The following ISM1 variants were observed in gnomAD, a reference collection of about 807,000 sequenced individuals.
ISM1 encodes the protein isthmin 1.
A neutral mutation model predicts 46.3 loss-of-function variants in ISM1; 25 were observed. That is an observed-to-expected ratio of 0.54 (90% CI 0.39 to 0.75). The LOEUF is 0.75. Ranked by LOEUF, ISM1 falls within the 30% of genes least tolerant of loss-of-function variation. ISM1 has a pLI of 0.00. For missense variants in ISM1, 536 were observed against 625.4 expected, an observed-to-expected ratio of 0.86 and a Z score of 1.52; for synonymous variants, 255 against 256.7, an observed-to-expected ratio of 0.99 and a Z score of 0.06.
intron 3 of ISM1, among the ~76,000 whole-genome samples, chr20:13,286,850 G>C (rs116910680): frequency 6.6e-6 from 1 of 152,212 alleles, no homozygotes; most frequent in South Asian, 2.1e-4. Context: ...GCCACGACCT[G>C]TTATGAACAG....
the ISM1 span, among the ~76,000 whole-genome samples, chr20:13,322,417 C>A: frequency 6.6e-6 from 1 of 152,228 alleles, no homozygotes; most frequent in African/African-American, 2.4e-5. Flanking sequence ...AACTCTTCCA[C>A]CTGCCAACTC....
chr20:13,291,281 G>T (rs937504148), intron 4 of ISM1, among the ~76,000 whole-genome samples: 9 of 152,032 alleles, frequency 5.9e-5, no homozygotes, highest in African/African-American at 2.2e-4. Context: ...GCTTTTCTGG[G>T]CTCCCTTGTA....
At chr20:13,235,538 G>A (rs55637499) in intron 1 of ISM1, among the ~76,000 whole-genome samples, 2 of 152,214 alleles carry the variant, frequency 1.3e-5, no homozygotes, top group African/African-American at 2.4e-5. Context: ...GTCAGGCCAA[G>A]AGAAAGGGTG....
Position 13,270,556 on chromosome 20 carries a change from C to T in ISM1, c.191C>T (p.Ser64Phe), listed in dbSNP as rs571196160. Residue 64 changes from serine (S) to phenylalanine (F), a missense_variant, in exon 2 of 6, where the codon TCC becomes TTC. Ser to Phe is a radical substitution (Grantham distance 155, BLOSUM62 -2). Coordinates refer to ENST00000262487, the MANE Select transcript of ISM1 (RefSeq NM_080826.2). ...ACATCAGAAACCAGCTTTTCTCTCT[C>T]CAAAGAAGCACCAAGGGAGCATCTG... ...DTTSETSFSL[S>F]KEAPREHLDH... 6.2e-7 allele frequency: 1 copy of T among 1,613,908 alleles called. No individual in the cohort carries two copies. The highest frequency in any genetic ancestry group is 1.3e-5 in the African/African-American group (1 of 75,046).
In ISM1 at chr20:13,289,592, C is replaced by T. The variant is rs2123311357; in HGVS notation, c.787+909C>T. Among the ~76,000 whole-genome samples the T allele has an allele frequency of 2.0e-5, 3 of 151,436 alleles. No individual in the cohort carries two copies. In the East Asian group the frequency reaches 5.8e-4, roughly 29 times the overall value. On this transcript the variant is annotated intron_variant, in intron 4 of 5. Transcript: ENST00000262487. ...TTTGTGTGTCCCATACATTTTTAAACTGTTGTGAAGAGAAGAAGAAAGAGA... is the reference window on the plus strand; with the variant it reads ...TTTGTGTGTCCCATACATTTTTAAATTGTTGTGAAGAGAAGAAGAAAGAGA...
chr20:13,318,687 G>A, the ISM1 span, among the ~76,000 whole-genome samples: 2 of 152,162 alleles, frequency 1.3e-5, no homozygotes, highest in African/African-American at 4.8e-5. Context: ...GCTATCCAGT[G>A]CTATTCAGTG....
At chr20:13,260,866 T>C (rs929500903) in intron 1 of ISM1, among the ~76,000 whole-genome samples, 1 of 152,210 alleles carries the variant, frequency 6.6e-6, no homozygotes, top group Non-Finnish European at 1.5e-5. Flanking sequence ...GCAGGGTGGC[T>C]CTCATAGCCT....
At chr20:13,225,293 A>G (rs990800036) in intron 1 of ISM1, among the ~76,000 whole-genome samples, 1 of 152,118 alleles carries the variant, frequency 6.6e-6, no homozygotes, top group African/African-American at 2.4e-5. Context: ...TCGTTATTTT[A>G]TAGTGGGGAG....
At position 13,299,594 on chromosome 20, in the gene ISM1, T is replaced by C. The variant is rs1380188273; in HGVS notation, c.*135T>C. On this transcript the variant is annotated 3_prime_UTR_variant, in exon 6 of 6. Coordinates refer to ENST00000262487, the MANE Select transcript of ISM1 (RefSeq NM_080826.2). The surrounding 1 kb of genome is among the most constrained non-coding windows in gnomAD (Gnocchi z 5.8). ...GTATATACCACATGAGTATTTCTCATACATTACGCTAGGGGCGTGTGCCAC... is the reference window on the plus strand; with the variant it reads ...GTATATACCACATGAGTATTTCTCACACATTACGCTAGGGGCGTGTGCCAC... 4.7e-6 allele frequency: 4 copies of C among 859,954 alleles called. No homozygotes were observed. The highest frequency in any genetic ancestry group is 3.5e-5 in the South Asian group (2 of 57,028). The allele number at this position is 859,954 out of a possible 1,614,324, so 53.3% of individuals were successfully genotyped here. A position where few individuals can be genotyped will look rare whatever the true frequency, so the allele number is the denominator to read the frequency against.
intron 1 of ISM1, among the ~76,000 whole-genome samples, chr20:13,266,390 C>G (rs965691863): frequency 6.6e-6 from 1 of 152,124 alleles, no homozygotes; most frequent in African/African-American, 2.4e-5. Context: ...TGAAGATCAC[C>G]TGCCTCAGCA....
chr20:13,229,551 AT>A (rs2039565529), intron 1 of ISM1, among the ~76,000 whole-genome samples: 1 of 152,164 alleles, frequency 6.6e-6, no homozygotes, highest in African/African-American at 2.4e-5. Context: ...CTCTATCACA[AT>A]TTGTATATCC....
chr20:13,273,491 C>T (rs2040139583), intron 2 of ISM1, among the ~76,000 whole-genome samples: 1 of 152,116 alleles, frequency 6.6e-6, no homozygotes. Context: ...CTGCCTCAGC[C>T]TCTCAAAATG....
chr20:13,241,689 C>A (rs1355370902), intron 1 of ISM1, among the ~76,000 whole-genome samples: 1 of 152,114 alleles, frequency 6.6e-6, no homozygotes, highest in East Asian at 1.9e-4. Context: ...ATAAAATGGT[C>A]ATCTTGGATA....
chr20:13,277,157 T>C (rs1018822139), intron 2 of ISM1, among the ~76,000 whole-genome samples: 2 of 152,190 alleles, frequency 1.3e-5, no homozygotes, highest in African/African-American at 4.8e-5. Context: ...AAAAAAATCA[T>C]ATTGACGGTA....
chr20:13,275,949 A>G (rs938322490), intron 2 of ISM1, among the ~76,000 whole-genome samples: 4 of 152,200 alleles, frequency 2.6e-5, no homozygotes, highest in Admixed American at 2.6e-4. Flanking sequence ...AGTAATGCCT[A>G]GATTGGCGTG....
intron 1 of ISM1, among the ~76,000 whole-genome samples, chr20:13,227,959 C>CCT (rs2039546387): frequency 7.8e-6 from 1 of 129,018 alleles, no homozygotes; most frequent in East Asian, 2.3e-4. Flanking sequence ...CTGCTGCTGC[C>CCT]TTTTTTTTTT....
At chr20:13,288,495 A>C in intron 3 of ISM1, 45 bp from the exon 4 acceptor site, 1 of 1,595,430 alleles carries the variant, frequency 6.3e-7, no homozygotes, top group Non-Finnish European at 8.6e-7. Context: ...AGATTGGGAG[A>C]CTCTTTGGCC....
At chr20:13,307,918 G>A in the ISM1 span, among the ~76,000 whole-genome samples, 5 of 152,202 alleles carry the variant, frequency 3.3e-5, no homozygotes, top group African/African-American at 7.2e-5. Context: ...TTGGGTGTGC[G>A]TATTCACACA....
chr20:13,280,138 T>C (rs1046010573), intron 3 of ISM1, among the ~76,000 whole-genome samples: 6 of 152,172 alleles, frequency 3.9e-5, no homozygotes, highest in Non-Finnish European at 5.9e-5. Flanking sequence ...GAAGAGATAA[T>C]TTTTTTAGGA....
Sources: allele counts gnomAD v4.1 joint callset (sites outside exome capture counted in the v4.1 genomes callset), GRCh38; gene constraint gnomAD v4.1.1; non-coding constraint Gnocchi (gnomAD v3.1); transcripts MANE v1.5; gene names NCBI Gene and HGNC (gene_info 2026-07-23, HGNC 2026-07-21).